Variants in GPR143 observed in about 807,000 individuals in gnomAD.
GPR143 encodes the protein G protein-coupled receptor 143.
GPR143 carries 8 observed loss-of-function variants against 27.6 expected under a neutral mutation model. The ratio of observed to expected loss-of-function variants is 0.29; its 90% CI spans 0.17 to 0.52. The LOEUF (loss-of-function observed/expected upper bound fraction) is 0.52. Ranked by LOEUF, GPR143 falls within the 20% of genes least tolerant of loss-of-function variation. GPR143 has a pLI of 0.96. For missense variants in GPR143, 303 were observed against 343.1 expected (o/e 0.88, Z 0.92); for synonymous variants, 156 against 153.2 (o/e 1.02, Z -0.13).
chrX:9,741,655 G>A (rs187623629), intron 6 of GPR143, among the ~76,000 whole-genome samples, 200 bp from the exon 7 acceptor site: 8 of 109,640 alleles, frequency 7.3e-5, no homozygotes, highest in African/African-American at 2.7e-4. Flanking sequence ...GGGAGGCTGA[G>A]GCAGGAGGAT....
At chrX:9,726,023 T>G in intron 8 of GPR143, 183 bp from the exon 9 acceptor site, 1 of 470,681 alleles carries the variant, frequency 2.1e-6, no homozygotes, top group Non-Finnish European at 2.5e-6. Flanking sequence ...GGGGTGGAAA[T>G]CTACATCAAC....
intron 8 of GPR143, among the ~76,000 whole-genome samples, chrX:9,728,357 TAA>T (rs1312461011): frequency 1.9e-5 from 2 of 103,791 alleles, no homozygotes; most frequent in Admixed American, 1.0e-4. Flanking sequence ...AGCACAATTT[TAA>T]AAGAGATACA....
chrX:9,725,621 G>T lies in GPR143; in HGVS notation c.*125C>A. 1.9e-6 allele frequency: 1 copy of T among 535,024 alleles called. No homozygotes were observed. The highest frequency in any genetic ancestry group is 3.2e-6 in the Non-Finnish European group (1 of 308,216). The allele number at this position is 535,024 out of a possible 1,213,427, so 44.1% of individuals were successfully genotyped here. A position where few individuals can be genotyped will look rare whatever the true frequency, so the allele number is the denominator to read the frequency against. On this transcript the variant is annotated 3_prime_UTR_variant, in exon 9 of 9. Transcript: ENST00000467482. ...TCGGGAAGAAGCTCTAGCTGGTGAT[G>T]AGAGCAAGGTTTGGGGGCCGCTACA... is the stretch of plus-strand genomic sequence containing the variant.
In GPR143 at chrX:9,765,641, G is replaced by A; in HGVS notation, c.177C>T (p.Ser59=). The A allele has an allele frequency of 2.0e-6, 2 of 982,733 alleles. No individual in the cohort carries two copies. The highest frequency in any genetic ancestry group is 2.5e-6 in the Non-Finnish European group (2 of 785,335). The allele number at this position is 982,733 out of a possible 1,213,427, so 81.0% of individuals were successfully genotyped here. The change falls in exon 1 of 9, where the codon TCC becomes TCT. Residue 59 remains serine (S), a synonymous_variant. Transcript: ENST00000467482. ...LPGRRPAGPG[S]PATSPPASVR... is the part of the protein sequence containing the mutation. ...CCGAGGCCGGCGGGGACGTCGCGGG[G>A]GACCCGGGGCCCGCGGGCCGGCGGC...
chrX:9,727,220 A>G (rs1250999833), intron 8 of GPR143, among the ~76,000 whole-genome samples: 1 of 112,792 alleles, frequency 8.9e-6, no homozygotes, highest in Non-Finnish European at 1.9e-5. Context: ...TTCCAGTACT[A>G]CCTAAGGCCT....
chrX:9,753,290 G>A (rs1193081223), intron 3 of GPR143, among the ~76,000 whole-genome samples: 1 of 108,094 alleles, frequency 9.3e-6, no homozygotes, highest in Non-Finnish European at 1.9e-5. Flanking sequence ...CCTGGGAGGT[G>A]GAGGTTGCAG....
chrX:9,769,330 A>T (rs2083545540), upstream of GPR143, among the ~76,000 whole-genome samples: 1 of 111,356 alleles, frequency 9.0e-6, no homozygotes, highest in Non-Finnish European at 1.9e-5. Context: ...TTTACCCACC[A>T]TTCCCACTTG....
chrX:9,730,665 G>A (rs1479103652), intron 8 of GPR143, among the ~76,000 whole-genome samples: 1 of 112,109 alleles, frequency 8.9e-6, no homozygotes, highest in African/African-American at 3.2e-5. Flanking sequence ...CCTTGCCATT[G>A]GGAGGTGGCT....
In GPR143 at chrX:9,773,208, ATC is replaced by A. The variant is rs754388034; in HGVS notation, c.-2-12384_-2-12383del. ...TTCTCACATTTGCCTGCCTAAAGACATCTGTCTGCCTAAAGACATTTGTCTAC... is the reference window on the plus strand; with the variant it reads ...TTCTCACATTTGCCTGCCTAAAGACATGTCTGCCTAAAGACATTTGTCTAC... On this transcript the variant is annotated intron_variant, in intron 1 of 7. Coordinates refer to the GPR143 transcript ENST00000447366. 2.7e-4 allele frequency among the ~76,000 whole-genome samples: 30 copies of A among 112,054 alleles called. No homozygotes were observed. The East Asian group carries it at 8.4e-3, about 31-fold the overall frequency.
chrX:9,769,259 G>A (rs1003271724), upstream of GPR143, among the ~76,000 whole-genome samples: 30 of 111,533 alleles, frequency 2.7e-4, no homozygotes, highest in Non-Finnish European at 7.5e-5. Context: ...GGGCTGCCTG[G>A]GGCATCTGTT....
chrX:9,760,850 TTGTATC>T, intron 1 of GPR143, 24 bp from the exon 2 acceptor site: 3 of 806,844 alleles, frequency 3.7e-6, no homozygotes, highest in Non-Finnish European at 5.6e-6. Flanking sequence ...GGATAATACT[TTGTATC>T]TGATCCTAAT....
chrX:9,770,451 G>C (rs1315189435), upstream of GPR143, among the ~76,000 whole-genome samples: 1 of 110,688 alleles, frequency 9.0e-6, no homozygotes, highest in Non-Finnish European at 1.9e-5. Flanking sequence ...TGCAGTTCCT[G>C]TAAGTCTACC....
chrX:9,743,630 G>T lies in GPR143; in HGVS notation c.702C>A (p.Asn234Lys). 1 of 1,187,406 alleles carries T rather than the reference G, an allele frequency of 8.4e-7. No individual in the cohort carries two copies. The highest frequency in any genetic ancestry group is 3.0e-5 in the East Asian group (1 of 33,745). The stretch of plus-strand genomic sequence containing the variant: ...TGATCACGGCTCCCATCCTCCTCTC[G>T]TTCTCCGTGTAAATGCCTTGTCTTC... ...LKGRQGIYTE[N>K]ERRMGAVIKI... Residue 234 changes from asparagine (N) to lysine (K), a missense_variant, in exon 6 of 9, where the codon AAC (asparagine) becomes AAA (lysine). Physicochemically the swap from Asn to Lys is moderately conservative, Grantham distance 94 (BLOSUM62 0). Transcript: ENST00000467482.
At chrX:9,746,292 T>C (rs1042501210) in intron 4 of GPR143, 139 bp from the exon 5 acceptor site, 1 of 501,079 alleles carries the variant, frequency 2.0e-6, no homozygotes, top group African/African-American at 2.3e-5. Flanking sequence ...CCAAAGGAAA[T>C]GTGAGTCATT....
At chrX:9,762,390 A>T (rs1043020934) in intron 1 of GPR143, among the ~76,000 whole-genome samples, 1 of 109,757 alleles carries the variant, frequency 9.1e-6, no homozygotes, top group African/African-American at 3.3e-5. Context: ...ACTCCATCTG[A>T]GAAAAAAAAA....
At chrX:9,729,354 G>A (rs1247947333) in intron 8 of GPR143, among the ~76,000 whole-genome samples, 1 of 111,729 alleles carries the variant, frequency 9.0e-6, no homozygotes, top group Non-Finnish European at 1.9e-5. Context: ...ATGGTGGCTT[G>A]TGATCAAGGT....
chrX:9,771,725 T>TTTTTTTG (rs386416604), intron 1 of GPR143, among the ~76,000 whole-genome samples: 1 of 103,833 alleles, frequency 9.6e-6, no homozygotes, highest in Non-Finnish European at 2.0e-5. Context: ...TTTTTTTTTT[T>TTTTTTTG]TTGGATGGAG....
chrX:9,777,587 C>T (rs1023793448), intron 1 of GPR143, among the ~76,000 whole-genome samples: 8 of 110,587 alleles, frequency 7.2e-5, no homozygotes, highest in Non-Finnish European at 1.5e-4. Context: ...TGACACAATG[C>T]CATGTCTATT....
At chrX:9,748,524 C>G in intron 4 of GPR143, 50 bp downstream of exon 4, 1 of 827,924 alleles carries the variant, frequency 1.2e-6, no homozygotes. Flanking sequence ...CAAGACAACA[C>G]ATTATGAGCC....
Sources: allele counts gnomAD v4.1 joint callset (sites outside exome capture counted in the v4.1 genomes callset), GRCh38; gene constraint gnomAD v4.1.1; transcripts MANE v1.5; gene names NCBI Gene and HGNC (gene_info 2026-07-23, HGNC 2026-07-21).